Variants in N4BP2 observed in about 807,000 individuals in gnomAD.
N4BP2 encodes NEDD4 binding protein 2, also known as NEDD4-binding protein 2.
In N4BP2, 91 loss-of-function variants were observed where a neutral mutation model predicts 152.8. That is an observed-to-expected ratio of 0.60 (90% confidence interval 0.50 to 0.71). The LOEUF is 0.71. Ranked by LOEUF, N4BP2 falls within the 30% of genes least tolerant of loss-of-function variation. The pLI, the probability that N4BP2 is intolerant of heterozygous loss-of-function variation, is 0.00. For synonymous variants in N4BP2, 646 were observed against 705.3 expected, an observed-to-expected ratio of 0.92 and a Z score of 1.33; for missense variants, 1,923 against 2,059.1, an observed-to-expected ratio of 0.93 and a Z score of 1.28.
chr4:40,176,460 A>C, the N4BP2 span, among the ~76,000 whole-genome samples: 1 of 152,050 alleles, frequency 6.6e-6, no homozygotes, highest in African/African-American at 2.4e-5. Context: ...CTTTGATTAG[A>C]TCATTGTTCA....
intron 4 of N4BP2, among the ~76,000 whole-genome samples, chr4:40,106,635 G>T (rs1158710486): frequency 6.6e-6 from 1 of 152,026 alleles, no homozygotes; most frequent in Non-Finnish European, 1.5e-5. Context: ...TGCAACCTCT[G>T]CCTCCTGGGT....
chr4:40,071,383 T>C (rs557391156), intron 1 of N4BP2, among the ~76,000 whole-genome samples: 1 of 152,336 alleles, frequency 6.6e-6, no homozygotes, highest in South Asian at 2.1e-4. Flanking sequence ...TTAGTAATGC[T>C]GTGTACTTCC....
chr4:40,123,597 C>T (rs918663041), intron 10 of N4BP2, among the ~76,000 whole-genome samples: 1 of 152,034 alleles, frequency 6.6e-6, no homozygotes, highest in African/African-American at 2.4e-5. Context: ...GATCCTCCTG[C>T]CTTAGCCTCC....
intron 12 of N4BP2, among the ~76,000 whole-genome samples, chr4:40,126,989 C>A (rs771085143): frequency 2.6e-5 from 4 of 151,664 alleles, no homozygotes; most frequent in African/African-American, 9.7e-5. Flanking sequence ...AAACTCCTGA[C>A]CTCAAGTGAG....
chr4:40,115,547 A>G (rs1330432445), intron 7 of N4BP2, among the ~76,000 whole-genome samples: 1 of 152,196 alleles, frequency 6.6e-6, no homozygotes, highest in Non-Finnish European at 1.5e-5. Context: ...TCAGAATTTT[A>G]ATATATAATA....
chr4:40,105,065 G>A (rs1025707780), intron 4 of N4BP2, among the ~76,000 whole-genome samples: 1 of 152,258 alleles, frequency 6.6e-6, no homozygotes, highest in Admixed American at 6.5e-5. Context: ...GCCTCCCAAA[G>A]TGCTGGGATT....
intron 17 of N4BP2, among the ~76,000 whole-genome samples, chr4:40,153,536 G>C (rs1560651967): frequency 6.6e-6 from 1 of 152,144 alleles, no homozygotes; most frequent in Admixed American, 6.5e-5. Context: ...TGACAAGAAA[G>C]TCAAAGATGA....
intron 1 of N4BP2, among the ~76,000 whole-genome samples, chr4:40,067,817 G>A (rs1087313): frequency 0.85 from 129,086 of 151,816 alleles, 54,958 homozygotes; most frequent in East Asian, 0.97. Context: ...TCCTGTCTCA[G>A]CCTCCCGAGT....
chr4:40,189,897 AAC>A, the N4BP2 span, among the ~76,000 whole-genome samples: 7 of 146,016 alleles, frequency 4.8e-5, no homozygotes, highest in Non-Finnish European at 9.0e-5. This position sits in a 1 kb window ranked among gnomAD's most constrained non-coding sequence, Gnocchi z 4.3. Flanking sequence ...GTCTGTCTCA[AAC>A]ACACACACAC....
intron 2 of N4BP2, among the ~76,000 whole-genome samples, chr4:40,084,590 C>G (rs1713738187): frequency 6.6e-6 from 1 of 150,436 alleles, no homozygotes; most frequent in Admixed American, 6.7e-5. Flanking sequence ...CATGCACCTC[C>G]ACGCCCAGCC....
At chr4:40,111,790 A>G (rs559701249) in intron 5 of N4BP2, among the ~76,000 whole-genome samples, 149 of 151,854 alleles carry the variant, frequency 9.8e-4, no homozygotes, top group African/African-American at 3.4e-3. Flanking sequence ...TAATTTTTGT[A>G]TTTTTAGTAG....
At chr4:40,162,715 G>GT (rs2109305587), downstream of N4BP2, among the ~76,000 whole-genome samples, 1 of 152,300 alleles carries the variant, frequency 6.6e-6, no homozygotes, top group South Asian at 2.1e-4. Context: ...GCTTATTGGT[G>GT]TATGTATTAG....
rs917082109 is a variant in N4BP2 at position 40,148,321 on chromosome 4, C to T, written c.5143+3521C>T. 3.9e-5 allele frequency among the ~76,000 whole-genome samples: 6 copies of T among 152,292 alleles called. 1 individual carries two copies. The highest frequency in any genetic ancestry group is 2.6e-4 in the Admixed American group (4 of 15,304). ...AGAAAACCAGTCACGCATGGCGGCGCGCGCCTGCAATCGCAGGCACTGGGC... is the reference window on the plus strand; with the variant it reads ...AGAAAACCAGTCACGCATGGCGGCGTGCGCCTGCAATCGCAGGCACTGGGC... On this transcript the variant is annotated intron_variant, in intron 16 of 17. Transcript: ENST00000261435.
chr4:40,106,378 G>A (rs1716289508), intron 4 of N4BP2, among the ~76,000 whole-genome samples: 1 of 151,852 alleles, frequency 6.6e-6, no homozygotes, highest in Non-Finnish European at 1.5e-5. Context: ...GTGCAGTGGT[G>A]CAACCTTGGC....
intron 2 of N4BP2, among the ~76,000 whole-genome samples, chr4:40,074,226 G>T (rs1167103422): frequency 6.6e-6 from 1 of 152,194 alleles, no homozygotes; most frequent in Non-Finnish European, 1.5e-5. Context: ...AAGTAGCTGG[G>T]ATTACAGATG....
At chr4:40,094,888 G>A (rs1226003101) in intron 2 of N4BP2, among the ~76,000 whole-genome samples, 2 of 151,216 alleles carry the variant, frequency 1.3e-5, no homozygotes, top group East Asian at 3.9e-4. Flanking sequence ...CTGTCTCCTG[G>A]GTTCAAGCGA....
rs371243897 is a variant in N4BP2, at chr4:40,131,681, G to A, written c.4528-120G>A. The A allele has an allele frequency of 8.2e-4, 564 of 686,742 alleles. 3 individuals are homozygous for A. The East Asian group carries it at 0.014, about 17-fold the overall frequency. 42.5% of individuals were successfully genotyped at this position (686,742 alleles called of 1,614,324 possible). On this transcript the variant is annotated intron_variant, in intron 12 of 17. Transcript: ENST00000261435. Reference sequence around the variant, plus strand: ...CTAATTTCAGCCTTTAATCCGTAAAGAAAGTCTGTGATTGCTTTTAAATCA... The same window carrying A: ...CTAATTTCAGCCTTTAATCCGTAAAAAAAGTCTGTGATTGCTTTTAAATCA...
intron 2 of N4BP2, among the ~76,000 whole-genome samples, chr4:40,096,386 A>T (rs1050314365): frequency 6.6e-6 from 1 of 152,178 alleles, no homozygotes; most frequent in African/African-American, 2.4e-5. Flanking sequence ...CAAGGTGTAA[A>T]GGTTCCCAGG....
chr4:40,093,427 G>A (rs1714809619), intron 2 of N4BP2, among the ~76,000 whole-genome samples: 1 of 151,048 alleles, frequency 6.6e-6, no homozygotes, highest in South Asian at 2.1e-4. Context: ...TTTTTTTTGA[G>A]ACAGAGTCTT....
Sources: allele counts gnomAD v4.1 joint callset (sites outside exome capture counted in the v4.1 genomes callset), GRCh38; gene constraint gnomAD v4.1.1; non-coding constraint Gnocchi (gnomAD v3.1); transcripts MANE v1.5; gene names NCBI Gene and HGNC (gene_info 2026-07-23, HGNC 2026-07-21).